The following TPGS1 variants were observed in gnomAD, a reference collection of about 807,000 sequenced individuals.
The protein encoded by TPGS1 is tubulin polyglutamylase complex subunit 1, also known as gene trap ROSA b-geo 22.
In TPGS1, 18 loss-of-function variants were observed where a neutral mutation model predicts 11.9. That is an observed-to-expected ratio of 1.51 (90% confidence interval 1.04 to 2.24). The LOEUF (loss-of-function observed/expected upper bound fraction) is 2.24, where lower values mean the gene tolerates loss of function less well. Ranked by LOEUF, TPGS1 falls within the 30% of genes most tolerant of loss-of-function variation. TPGS1 has a pLI of 0.00. For missense variants in TPGS1, 500 were observed against 443.0 expected (o/e 1.13, Z -1.16); for synonymous variants, 247 against 218.2 (o/e 1.13, Z -1.16).
In TPGS1 at chr19:507,654, G is replaced by A; in HGVS notation, c.148G>A (p.Ala50Thr). 1.4e-6 allele frequency: 2 copies of A among 1,392,582 alleles called. No homozygotes were observed. The highest frequency in any genetic ancestry group is 9.4e-7 in the Non-Finnish European group (1 of 1,059,610). 86.3% of individuals were successfully genotyped at this position (1,392,582 alleles called of 1,614,324 possible). A position where few individuals can be genotyped will look rare whatever the true frequency, so the allele number is the denominator to read the frequency against. ...RQVGVTEMLRAALLKVLEARP... is the reference protein window; with the variant it reads ...RQVGVTEMLRTALLKVLEARP... ...GGTCGGCGTGACGGAAATGCTACGT[G>A]CGGCCCTGCTGAAGGTGCTGGAGGC... Residue 50 changes from alanine (A) to threonine (T), a missense_variant, in exon 1 of 2, where the codon GCG (alanine) becomes ACG (threonine). By Grantham distance (58) the Ala-to-Thr change is moderately conservative. Transcript: ENST00000359315.
intron 1 of TPGS1, among the ~76,000 whole-genome samples, chr19:516,841 G>A (rs1978969578): frequency 6.6e-6 from 1 of 152,218 alleles, no homozygotes; most frequent in South Asian, 2.1e-4. Flanking sequence ...ACTGACTACA[G>A]AGAGAAGACA....
At chr19:515,758 C>T (rs1327310464) in intron 1 of TPGS1, among the ~76,000 whole-genome samples, 8 of 151,544 alleles carry the variant, frequency 5.3e-5, no homozygotes, top group Non-Finnish European at 1.0e-4. Context: ...GAGGGCCGGG[C>T]GCGGTGGCTC....
chr19:507,830 C>G lies in TPGS1; in HGVS notation c.324C>G (p.Ala108=), dbSNP rs1195043806. Residue 108 remains alanine, a synonymous_variant, in exon 1 of 2, where the codon GCC becomes GCG. Transcript: ENST00000359315. ...GCGCGCTATGGCACCTTCGCCTGGC[C>G]CACCACTCCCAGAGGTGCGCAGTGG... is the stretch of plus-strand genomic sequence containing the variant. ...LGRALWHLRL[A]HHSQRAAFNN... 5.2e-6 allele frequency: 7 copies of G among 1,345,988 alleles called. No individual in the cohort carries two copies. The highest frequency in any genetic ancestry group is 6.7e-6 in the Non-Finnish European group (7 of 1,050,914). 83.4% of individuals were successfully genotyped at this position (1,345,988 alleles called of 1,614,324 possible). A position where few individuals can be genotyped will look rare whatever the true frequency, so the allele number is the denominator to read the frequency against.
Position 519,055 on chromosome 19 carries a change from C to T in TPGS1, c.505C>T (p.Gln169Ter). The part of the protein sequence containing the change: ...EVVAPLLRKV[Q>*]CRDHEAVPLS... ...GGTGGCGCCGCTGCTGCGCAAGGTG[C>T]AGTGCCGTGACCACGAGGCGGTGCC... Residue 169 changes from glutamine to a stop codon, truncating the protein, a stop_gained, in exon 2 of 2, where the codon CAG becomes TAG. Transcript: ENST00000359315. LOFTEE classifies it high-confidence loss of function. 6.5e-7 allele frequency: 1 copy of T among 1,543,240 alleles called. No individual in the cohort carries two copies. The highest frequency in any genetic ancestry group is 1.4e-5 in the African/African-American group (1 of 72,952).
intron 1 of TPGS1, chr19:509,060 G>T: frequency 6.5e-6 from 1 of 152,712 alleles, no homozygotes. Context: ...AGGCTGGGAG[G>T]AGCCTGGAGA....
At chr19:513,356 C>T (rs1978856916) in intron 1 of TPGS1, among the ~76,000 whole-genome samples, 1 of 152,200 alleles carries the variant, frequency 6.6e-6, no homozygotes, top group African/African-American at 2.4e-5. Flanking sequence ...AGCGTACAGC[C>T]AGATGGGCCT....
rs1029881069 is a variant in TPGS1, at chr19:507,535, C to G, written c.29C>G (p.Ala10Gly). Residue 10 changes from alanine (A) to glycine (G), a missense_variant, in exon 1 of 2, where the codon GCG becomes GGG. Ala to Gly is a moderately conservative substitution (Grantham distance 60). Coordinates refer to ENST00000359315, the MANE Select transcript of TPGS1 (RefSeq NM_033513.3). ...GCGGCAGTGGAGAAGCGGCGGCAAG[C>G]GGTACCACCGCCGGCCGGTTTCACG... MAAVEKRRQ[A>G]VPPPAGFTDS... The G allele has an allele frequency of 1.4e-6, 2 of 1,418,280 alleles. No homozygotes were observed. Among genetic ancestry groups the G allele is most frequent in the African/African-American group, 1.5e-5 (1 of 67,166 alleles). 87.9% of individuals were successfully genotyped at this position (1,418,280 alleles called of 1,614,324 possible).
intron 1 of TPGS1, among the ~76,000 whole-genome samples, chr19:510,964 C>T (rs1446928635): frequency 6.6e-6 from 1 of 152,220 alleles, no homozygotes; most frequent in East Asian, 1.9e-4. Context: ...CACCGCCCGG[C>T]GTCTGCTGGG....
At position 518,884 on chromosome 19, in the gene TPGS1, C is replaced by T. The variant is rs186109391; in HGVS notation, c.339-5C>T. On this transcript the variant is annotated splice_polypyrimidine_tract_variant and splice_region_variant and intron_variant, in intron 1 of 1. Transcript: ENST00000359315. Reference sequence around the variant, plus strand: ...TGCCGGCCCCCAACGTCCCCGTCTCCGCAGGGCCGCCTTCAACAACAACGT... The same window carrying T: ...TGCCGGCCCCCAACGTCCCCGTCTCTGCAGGGCCGCCTTCAACAACAACGT... 25,428 of 1,512,506 alleles carry T rather than the reference C, an allele frequency of 0.017. 672 individuals are homozygous for T. The highest frequency in any genetic ancestry group is 0.095 in the South Asian group (7,428 of 78,450). The allele number at this position is 1,512,506 out of a possible 1,614,324, so 93.7% of individuals were successfully genotyped here.
chr19:512,561 C>T (rs1435461468), intron 1 of TPGS1, among the ~76,000 whole-genome samples: 1 of 152,208 alleles, frequency 6.6e-6, no homozygotes, highest in Admixed American at 6.5e-5. Context: ...TTAACATTCC[C>T]GCTGAAAGTG....
At chr19:515,100 G>A (rs1978911888) in intron 1 of TPGS1, among the ~76,000 whole-genome samples, 1 of 152,208 alleles carries the variant, frequency 6.6e-6, no homozygotes, top group South Asian at 2.1e-4. Context: ...CTACGGTTCT[G>A]GTCGGAAGCT....
chr19:510,258 A>C (rs1305478063), intron 1 of TPGS1: 2 of 152,098 alleles, frequency 1.3e-5, no homozygotes, highest in African/African-American at 4.8e-5. Flanking sequence ...CTGTAGTCCC[A>C]GCTACTCGGG....
Position 519,484 on chromosome 19 carries a change from G to A in TPGS1, c.*61G>A. The A allele has an allele frequency of 2.6e-6, 3 of 1,166,792 alleles. No individual in the cohort carries two copies. Among genetic ancestry groups the A allele is most frequent in the Non-Finnish European group, 3.2e-6 (3 of 943,638 alleles). 72.3% of individuals were successfully genotyped at this position (1,166,792 alleles called of 1,614,324 possible). ...GGGGGTCCCCGCGTGCGGGGCGCGCGGAGCCTTCCCTTCGCCCTGGTGAGG... is the reference window on the plus strand; with the variant it reads ...GGGGGTCCCCGCGTGCGGGGCGCGCAGAGCCTTCCCTTCGCCCTGGTGAGG... On this transcript the variant is annotated 3_prime_UTR_variant, in exon 2 of 2. Transcript: ENST00000359315.
chr19:509,009 G>T (rs907586979), intron 1 of TPGS1: 8 of 152,316 alleles, frequency 5.3e-5, no homozygotes, highest in African/African-American at 1.7e-4. Context: ...GAAGGCCCCT[G>T]GTTTGAAGAA....
chr19:519,644 T>G lies in TPGS1; in HGVS notation c.*221T>G, dbSNP rs1979091078. On this transcript the variant is annotated 3_prime_UTR_variant, in exon 2 of 2. Coordinates refer to ENST00000359315, the MANE Select transcript of TPGS1 (RefSeq NM_033513.3). ...CCTGCCCCACGCTAATAAAATGTGT[T>G]GCGAGGCTGACGCTGGTGTGTATGC... 2 of 292,644 alleles carry G rather than the reference T, an allele frequency of 6.8e-6. No homozygotes were observed. The highest frequency in any genetic ancestry group is 1.2e-5 in the Non-Finnish European group (2 of 163,226). The allele number at this position is 292,644 out of a possible 1,614,324, so 18.1% of individuals were successfully genotyped here.
chr19:507,691 A>G lies in TPGS1; in HGVS notation c.185A>G (p.Glu62Gly), dbSNP rs1211015138. 2 of 1,380,080 alleles carry G rather than the reference A, an allele frequency of 1.4e-6. No homozygotes were observed. The highest frequency in any genetic ancestry group is 3.0e-5 in the East Asian group (1 of 33,264). 85.5% of individuals were successfully genotyped at this position (1,380,080 alleles called of 1,614,324 possible). ...AAGGTGCTGGAGGCGCGGCCCGAGGAGCCGATCGCCTTCCTGGCTCACTAC... is the reference window on the plus strand; with the variant it reads ...AAGGTGCTGGAGGCGCGGCCCGAGGGGCCGATCGCCTTCCTGGCTCACTAC... Reference protein sequence around the residue: ...LLKVLEARPEEPIAFLAHYFE... With the variant: ...LLKVLEARPEGPIAFLAHYFE... Residue 62 changes from glutamate to glycine, a missense_variant, in exon 1 of 2, where the codon GAG becomes GGG. Glu to Gly is a moderately conservative substitution (Grantham distance 98). Transcript: ENST00000359315.
intron 1 of TPGS1, chr19:509,895 TCGCCTGGGCTCCCC>T (rs1978733517): frequency 1.3e-5 from 2 of 152,576 alleles, no homozygotes; most frequent in African/African-American, 4.8e-5. Flanking sequence ...GGCCCTGGGC[TCGCCTGGGCTCCCC>T]AGAGACACAG....
In TPGS1 at chr19:507,667, A is replaced by G; in HGVS notation, c.161A>G (p.Lys54Arg). The change falls in exon 1 of 2, where the codon AAG (lysine) becomes AGG (arginine). Residue 54 changes from lysine (K) to arginine (R), a missense_variant. Lys to Arg is a conservative substitution (Grantham distance 26). Coordinates refer to ENST00000359315, the MANE Select transcript of TPGS1 (RefSeq NM_033513.3). ...VTEMLRAALL[K>R]VLEARPEEPI... ...GAAATGCTACGTGCGGCCCTGCTGA[A>G]GGTGCTGGAGGCGCGGCCCGAGGAG... 1 of 1,377,556 alleles carries G rather than the reference A, an allele frequency of 7.3e-7. No homozygotes were observed. The highest frequency in any genetic ancestry group is 1.6e-5 in the South Asian group (1 of 62,092). The allele number at this position is 1,377,556 out of a possible 1,614,324, so 85.3% of individuals were successfully genotyped here.
At chr19:516,568 A>G (rs1318130954) in intron 1 of TPGS1, among the ~76,000 whole-genome samples, 1 of 152,140 alleles carries the variant, frequency 6.6e-6, no homozygotes, top group East Asian at 1.9e-4. Flanking sequence ...TATTTTTAGT[A>G]GAGATGGGGT....
Sources: allele counts gnomAD v4.1 joint callset (sites outside exome capture counted in the v4.1 genomes callset), GRCh38; gene constraint gnomAD v4.1.1; transcripts MANE v1.5; gene names NCBI Gene and HGNC (gene_info 2026-07-23, HGNC 2026-07-21).